ZNF804B: variants seen among roughly 807,000 people sequenced by gnomAD.
The protein encoded by ZNF804B is zinc finger protein 804B.
In ZNF804B, 80 loss-of-function variants were observed where a neutral mutation model predicts 101.4. That is an observed-to-expected ratio of 0.79 (90% CI 0.66 to 0.95). The LOEUF (loss-of-function observed/expected upper bound fraction) is 0.95, where lower values mean the gene tolerates loss of function less well. Ranked by LOEUF, ZNF804B falls within the 40% of genes least tolerant of loss-of-function variation. The probability of loss-of-function intolerance (pLI) is 0.00; values close to 1 mark genes in which losing one functional copy is unlikely to be tolerated. For missense variants in ZNF804B, 1,673 were observed against 1,561.9 expected, an observed-to-expected ratio of 1.07 and a Z score of -1.20; for synonymous variants, 622 against 558.8, an observed-to-expected ratio of 1.11 and a Z score of -1.59.
At chr7:89,296,525 G>A (rs1054710643) in intron 2 of ZNF804B, among the ~76,000 whole-genome samples, 8 of 151,856 alleles carry the variant, frequency 5.3e-5, no homozygotes, top group East Asian at 1.9e-4. Flanking sequence ...GATGACTGTC[G>A]TTTTCTCATA....
chr7:88,927,712 C>T (rs976796895), intron 1 of ZNF804B, among the ~76,000 whole-genome samples: 6 of 152,036 alleles, frequency 3.9e-5, no homozygotes, highest in African/African-American at 1.4e-4. Context: ...GCCCCTTCCC[C>T]AAGTGATCAA....
At chr7:88,787,657 C>G (rs776982559) in intron 1 of ZNF804B, among the ~76,000 whole-genome samples, 1 of 152,094 alleles carries the variant, frequency 6.6e-6, no homozygotes, top group African/African-American at 2.4e-5. Context: ...AATAACTAAT[C>G]GTAAAATACA....
At chr7:89,047,593 G>C (rs558366623) in intron 1 of ZNF804B, among the ~76,000 whole-genome samples, 1 of 152,134 alleles carries the variant, frequency 6.6e-6, no homozygotes, top group Non-Finnish European at 1.5e-5. Context: ...GCTGAATGAG[G>C]TAGCCAAATA....
chr7:89,321,981 A>G (rs1440539370), intron 2 of ZNF804B, among the ~76,000 whole-genome samples: 1 of 152,184 alleles, frequency 6.6e-6, no homozygotes, highest in Non-Finnish European at 1.5e-5. Flanking sequence ...AGTTATAAAA[A>G]GTTAACTAAA....
chr7:89,019,048 T>C (rs968466141), intron 1 of ZNF804B, among the ~76,000 whole-genome samples: 2 of 152,062 alleles, frequency 1.3e-5, no homozygotes, highest in African/African-American at 4.8e-5. Flanking sequence ...TTCTTGCTTT[T>C]CTAGTTCTTT....
At chr7:89,186,379 A>G (rs577421319) in intron 1 of ZNF804B, among the ~76,000 whole-genome samples, 1 of 152,204 alleles carries the variant, frequency 6.6e-6, no homozygotes, top group East Asian at 1.9e-4. Context: ...AAGAAGATAT[A>G]ACACCTTTTT....
intron 1 of ZNF804B, among the ~76,000 whole-genome samples, chr7:89,107,221 T>C (rs933092176): frequency 2.6e-5 from 4 of 152,074 alleles, no homozygotes; most frequent in Admixed American, 2.0e-4. Context: ...ATTCTTTTGA[T>C]ATTTAGAATA....
intron 1 of ZNF804B, among the ~76,000 whole-genome samples, chr7:88,782,330 T>G (rs1384284830): frequency 6.6e-6 from 1 of 152,104 alleles, no homozygotes; most frequent in African/African-American, 2.4e-5. Flanking sequence ...CTGCATTATT[T>G]ATGCAAAGCC....
intron 1 of ZNF804B, among the ~76,000 whole-genome samples, chr7:88,953,271 T>C (rs1793252440): frequency 6.6e-6 from 1 of 151,742 alleles, no homozygotes. Context: ...CTGAAACATG[T>C]CAAACTCATT....
chr7:88,857,743 A>C (rs1188262113), intron 1 of ZNF804B, among the ~76,000 whole-genome samples: 4 of 151,212 alleles, frequency 2.6e-5, no homozygotes, highest in Admixed American at 2.0e-4. Flanking sequence ...AAAAGAGGGA[A>C]TCCTCCTTCA....
Position 89,334,167 on chromosome 7 carries a change from A to G in ZNF804B, c.1185A>G (p.Gln395=), listed in dbSNP as rs753790853. ...TTTCATCACTGGAGCCAAGTGAACA[A>G]AAGAGTACAGTGCATCTGAATCCAA... ...DEFSSLEPSE[Q]KSTVHLNPNS... is the part of the protein sequence containing the mutation. Residue 395 remains glutamine, a synonymous_variant, in exon 4 of 4, where the codon CAA becomes CAG. Transcript: ENST00000333190. 1.1e-5 allele frequency: 18 copies of G among 1,613,464 alleles called. 1 individual carries two copies. Among genetic ancestry groups the G allele is most frequent in the South Asian group, 8.8e-5 (8 of 91,072 alleles).
At chr7:88,878,308 G>A (rs1791981458) in intron 1 of ZNF804B, among the ~76,000 whole-genome samples, 1 of 152,008 alleles carries the variant, frequency 6.6e-6, no homozygotes, top group Non-Finnish European at 1.5e-5. Context: ...TAACACCAAA[G>A]ATTGCCCTAT....
At chr7:89,208,377 TAGCCCTGTTTTATTGGTTGTTA>T (rs1310239987) in intron 1 of ZNF804B, among the ~76,000 whole-genome samples, 1 of 152,064 alleles carries the variant, frequency 6.6e-6, no homozygotes, top group African/African-American at 2.4e-5. Context: ...CCACCGCGCC[TAGCCCTGTTTTATTGGTTGTTA>T]AGCAACTCTG....
chr7:88,769,709 T>C (rs565204825), intron 1 of ZNF804B, among the ~76,000 whole-genome samples: 18 of 152,220 alleles, frequency 1.2e-4, no homozygotes, highest in Non-Finnish European at 2.5e-4. Context: ...AATAATTCCC[T>C]GACCAACGAC....
At chr7:88,779,044 T>G (rs1372410685) in intron 1 of ZNF804B, among the ~76,000 whole-genome samples, 1 of 152,222 alleles carries the variant, frequency 6.6e-6, no homozygotes, top group Admixed American at 6.5e-5. Flanking sequence ...GTACTTTTTG[T>G]GCATGTGTGT....
chr7:88,879,531 T>C (rs76790294), intron 1 of ZNF804B, among the ~76,000 whole-genome samples: 3,120 of 152,276 alleles, frequency 0.02, 111 homozygotes, highest in African/African-American at 0.071. Context: ...GGAGATCATA[T>C]GTGTGTATGT....
At chr7:89,183,405 A>C (rs1415495606) in intron 1 of ZNF804B, among the ~76,000 whole-genome samples, 1 of 152,172 alleles carries the variant, frequency 6.6e-6, no homozygotes, top group African/African-American at 2.4e-5. Flanking sequence ...AAAGATCCTA[A>C]AAACGCCAAA....
At chr7:88,819,302 T>G (rs1790936665) in intron 1 of ZNF804B, among the ~76,000 whole-genome samples, 1 of 151,768 alleles carries the variant, frequency 6.6e-6, no homozygotes, top group Non-Finnish European at 1.5e-5. Flanking sequence ...TTTTTTTTCT[T>G]GTATTTTTAG....
chr7:88,998,144 G>A (rs999376764), intron 1 of ZNF804B, among the ~76,000 whole-genome samples: 1 of 151,936 alleles, frequency 6.6e-6, no homozygotes, highest in African/African-American at 2.4e-5. Context: ...CTTCCCTGCT[G>A]TCTCCTGTCT....
Sources: allele counts gnomAD v4.1 joint callset (sites outside exome capture counted in the v4.1 genomes callset), GRCh38; gene constraint gnomAD v4.1.1; transcripts MANE v1.5; gene names NCBI Gene and HGNC (gene_info 2026-07-23, HGNC 2026-07-21).